The following PSMA1 variants were observed in gnomAD, a reference collection of about 807,000 sequenced individuals.
PSMA1 encodes the protein proteasome subunit alpha type-1.
Under a neutral mutation model 38.4 loss-of-function variants are expected in PSMA1, and 3 were observed. The observed-to-expected ratio is 0.08, with a 90% CI of 0.04 to 0.20. The LOEUF (loss-of-function observed/expected upper bound fraction) is 0.20. Ranked by LOEUF, PSMA1 falls within the 10% of genes least tolerant of loss-of-function variation. The pLI, the probability that PSMA1 is intolerant of heterozygous loss-of-function variation, is 1.00. For missense variants in PSMA1, 227 were observed against 325.3 expected, an observed-to-expected ratio of 0.70 and a Z score of 2.32; for synonymous variants, 101 against 107.1, an observed-to-expected ratio of 0.94 and a Z score of 0.35.
At chr11:14,520,861 T>C (rs1851517047), upstream of PSMA1, among the ~76,000 whole-genome samples, 1 of 152,260 alleles carries the variant, frequency 6.6e-6, no homozygotes, top group South Asian at 2.1e-4. Flanking sequence ...GGTGCAAAAG[T>C]AACTGCGGTT....
At chr11:14,619,620 TATATC>T (rs1852816704) in intron 1 of PSMA1, among the ~76,000 whole-genome samples, 1 of 150,894 alleles carries the variant, frequency 6.6e-6, no homozygotes, top group Non-Finnish European at 1.5e-5. Context: ...AAGTGTTTTT[TATATC>T]ATATAATAGA....
chr11:14,598,799 T>G (rs1227399004), intron 2 of PSMA1, among the ~76,000 whole-genome samples: 1 of 151,700 alleles, frequency 6.6e-6, no homozygotes, highest in Non-Finnish European at 1.5e-5. Context: ...GTTAGCTGGT[T>G]ATTTTGCTCA....
chr11:14,545,414 C>T (rs188746199), intron 2 of PSMA1, among the ~76,000 whole-genome samples: 1 of 152,206 alleles, frequency 6.6e-6, no homozygotes, highest in Non-Finnish European at 1.5e-5. Context: ...AACCCATCAC[C>T]TAGGTACTAA....
intron 2 of PSMA1, among the ~76,000 whole-genome samples, chr11:14,577,569 A>T (rs1412556768): frequency 6.6e-6 from 1 of 152,318 alleles, no homozygotes. Context: ...GAAGTTATAA[A>T]ACAACAATAA....
intron 1 of PSMA1, among the ~76,000 whole-genome samples, chr11:14,627,577 G>C (rs982436578): frequency 1.3e-5 from 2 of 152,118 alleles, no homozygotes; most frequent in Non-Finnish European, 1.5e-5. Flanking sequence ...TGTAATCTTT[G>C]ACAAATTACT....
chr11:14,591,561 C>G (rs1004370887), intron 2 of PSMA1, among the ~76,000 whole-genome samples: 2 of 152,150 alleles, frequency 1.3e-5, no homozygotes, highest in African/African-American at 4.8e-5. Context: ...GTCTTTATAT[C>G]TAGCTCAGGG....
chr11:14,614,066 G>A (rs1178018986), intron 1 of PSMA1, among the ~76,000 whole-genome samples: 1 of 151,980 alleles, frequency 6.6e-6, no homozygotes, highest in African/African-American at 2.4e-5. Context: ...CATGTCACTG[G>A]GATATGGGTT....
intron 1 of PSMA1, among the ~76,000 whole-genome samples, chr11:14,632,806 A>G (rs1853043204): frequency 6.6e-6 from 1 of 151,988 alleles, no homozygotes; most frequent in Non-Finnish European, 1.5e-5. Context: ...AGGTACACCA[A>G]TCAGACGTAG....
At chr11:14,613,232 T>A (rs2030553) in intron 1 of PSMA1, among the ~76,000 whole-genome samples, 7,090 of 147,176 alleles carry the variant, frequency 0.048, 184 homozygotes, top group Middle Eastern at 0.084. Context: ...AATTTTTTTT[T>A]AAAAATTGAG....
intron 2 of PSMA1, among the ~76,000 whole-genome samples, chr11:14,565,886 A>G (rs1319400523): frequency 6.6e-6 from 1 of 152,248 alleles, no homozygotes; most frequent in African/African-American, 2.4e-5. Flanking sequence ...CAGTTGTAGA[A>G]TAAAATAAAT....
intron 2 of PSMA1, among the ~76,000 whole-genome samples, chr11:14,571,997 C>T (rs1303914395): frequency 6.6e-6 from 1 of 152,118 alleles, no homozygotes; most frequent in Non-Finnish European, 1.5e-5. Flanking sequence ...AATACAGGAG[C>T]ACCCAGATTC....
intron 4 of PSMA1, among the ~76,000 whole-genome samples, chr11:14,514,757 G>C (rs1005774913): frequency 6.6e-6 from 1 of 152,136 alleles, no homozygotes; most frequent in African/African-American, 2.4e-5. Flanking sequence ...AGAAGAGAAG[G>C]CTGAACAAAA....
intron 1 of PSMA1, among the ~76,000 whole-genome samples, chr11:14,614,451 C>T (rs1304178590): frequency 6.6e-6 from 1 of 151,920 alleles, no homozygotes; most frequent in Non-Finnish European, 1.5e-5. Flanking sequence ...ATATCTGGCT[C>T]CTAGATCTCT....
intron 1 of PSMA1, among the ~76,000 whole-genome samples, chr11:14,638,574 T>C (rs1853153180): frequency 4.1e-5 from 1 of 24,454 alleles, no homozygotes; most frequent in Non-Finnish European, 7.8e-5. Context: ...TATATATATA[T>C]ATATATATAT....
In PSMA1 at chr11:14,509,848, C is replaced by T. The variant is rs1414339564; in HGVS notation, c.624+1024G>A. Among the ~76,000 whole-genome samples the T allele has an allele frequency of 8.6e-5, 13 of 152,006 alleles. No individual in the cohort carries two copies. In the East Asian group the frequency reaches 1.7e-3, roughly 20 times the overall value. ...ACGCCATTCTCCTGCCTCAGCCTCC[C>T]GAGTAGCTGGGACTACAGGCGCCTG... On this transcript the variant is annotated intron_variant, in intron 8 of 9. Transcript: ENST00000396394.
chr11:14,591,710 G>A (rs894366265), intron 2 of PSMA1, among the ~76,000 whole-genome samples: 4 of 152,080 alleles, frequency 2.6e-5, no homozygotes, highest in Non-Finnish European at 5.9e-5. Context: ...TGATGGGGAG[G>A]TGGAGAACCT....
At chr11:14,567,088 G>A (rs1191171391) in intron 2 of PSMA1, among the ~76,000 whole-genome samples, 1 of 152,224 alleles carries the variant, frequency 6.6e-6, no homozygotes, top group Admixed American at 6.5e-5. Context: ...CCTGTCTGCT[G>A]AGAGAATCAG....
chr11:14,528,474 C>T (rs1336063706), intron 2 of PSMA1, among the ~76,000 whole-genome samples: 1 of 152,114 alleles, frequency 6.6e-6, no homozygotes, highest in African/African-American at 2.4e-5. Context: ...TTGAATCTCT[C>T]CCACTGTAGG....
chr11:14,629,474 T>C lies in PSMA1; in HGVS notation c.-166+13981A>G, dbSNP rs1380209576. Among the ~76,000 whole-genome samples, 7 of 151,616 alleles carry C rather than the reference T, an allele frequency of 4.6e-5. No individual in the cohort carries two copies. The East Asian group carries it at 1.4e-3, about 29-fold the overall frequency. On this transcript the variant is annotated intron_variant, in intron 1 of 10. Transcript: ENST00000418988. ...CTCAGGTTTGTCAAAGATCAGATAG[T>C]TGTAGATATGCGGTGTTATTTCTGA...
Sources: gnomAD v4.1 joint callset for allele counts (sites outside exome capture counted in the v4.1 genomes callset) on GRCh38, gnomAD v4.1.1 for gene constraint, MANE v1.5 for transcripts, NCBI Gene and HGNC (gene_info 2026-07-23, HGNC 2026-07-21) for gene names.